The following FAM117B variants were observed in gnomAD, a reference collection of about 807,000 sequenced individuals.
FAM117B encodes family with sequence similarity 117 member B.
FAM117B carries 22 observed loss-of-function variants against 52.8 expected under a neutral mutation model. That is an observed-to-expected ratio of 0.42 (90% confidence interval 0.30 to 0.59). The LOEUF is 0.59. FAM117B is among the 20% of genes least tolerant of loss of function. The pLI is 0.22. For missense variants in FAM117B, 678 were observed against 802.6 expected, an observed-to-expected ratio of 0.84 and a Z score of 1.88; for synonymous variants, 309 against 324.1, an observed-to-expected ratio of 0.95 and a Z score of 0.50.
chr2:202,640,908 G>A (rs1689761162), intron 1 of FAM117B, among the ~76,000 whole-genome samples: 1 of 152,070 alleles, frequency 6.6e-6, no homozygotes, highest in African/African-American at 2.4e-5. Flanking sequence ...ACCCACACCC[G>A]GCTAAAGGGA....
intron 4 of FAM117B, among the ~76,000 whole-genome samples, chr2:202,749,934 T>G (rs1037305971): frequency 6.6e-6 from 1 of 152,132 alleles, no homozygotes; most frequent in South Asian, 2.1e-4. Flanking sequence ...ATAAAAAAAA[T>G]TAAAGGTGAG....
chr2:202,706,892 A>G (rs1690877339), intron 2 of FAM117B, among the ~76,000 whole-genome samples: 1 of 152,148 alleles, frequency 6.6e-6, no homozygotes, highest in South Asian at 2.1e-4. Context: ...GTTGCCTGTC[A>G]GTAGCTTTGC....
Position 202,765,857 on chromosome 2 carries a change from A to C in FAM117B, c.*93A>C. 4.6e-6 allele frequency: 6 copies of C among 1,311,064 alleles called. No homozygotes were observed. Among genetic ancestry groups the C allele is most frequent in the Non-Finnish European group, 6.3e-6 (6 of 955,380 alleles). The allele number at this position is 1,311,064 out of a possible 1,614,324, so 81.2% of individuals were successfully genotyped here. A position where few individuals can be genotyped will look rare whatever the true frequency, so the allele number is the denominator to read the frequency against. On this transcript the variant is annotated 3_prime_UTR_variant, in exon 8 of 8. Coordinates refer to ENST00000392238, the MANE Select transcript of FAM117B (RefSeq NM_173511.4). ...CATCGTGCGCTTCTGGTCGGCTGTG[A>C]TGTGCTCCAGCTTTCCAGTGACATG...
At chr2:202,689,918 G>C (rs1173927292) in intron 1 of FAM117B, among the ~76,000 whole-genome samples, 3 of 152,020 alleles carry the variant, frequency 2.0e-5, no homozygotes, top group Non-Finnish European at 4.4e-5. Flanking sequence ...GTTCGGCCTG[G>C]GTGACAGAGT....
chr2:202,695,874 A>T lies in FAM117B; in HGVS notation c.602-7A>T. 1 of 1,571,546 alleles carries T rather than the reference A, an allele frequency of 6.4e-7. No homozygotes were observed. The highest frequency in any genetic ancestry group is 1.9e-5 in the Admixed American group (1 of 52,386). ...TATTAAAACAAGCATTTTTGTCTTAAATCTAGGTGACAAAACACGACAGCC... is the reference window on the plus strand; with the variant it reads ...TATTAAAACAAGCATTTTTGTCTTATATCTAGGTGACAAAACACGACAGCC... On this transcript the variant is annotated splice_polypyrimidine_tract_variant and splice_region_variant and intron_variant, in intron 1 of 7. Coordinates refer to ENST00000392238, the MANE Select transcript of FAM117B (RefSeq NM_173511.4).
chr2:202,641,414 C>T (rs1384564935), intron 1 of FAM117B, among the ~76,000 whole-genome samples: 1 of 152,162 alleles, frequency 6.6e-6, no homozygotes, highest in Non-Finnish European at 1.5e-5. Context: ...AGAATATATA[C>T]ATTAGAAAGT....
At chr2:202,681,855 G>A (rs977587253) in intron 1 of FAM117B, among the ~76,000 whole-genome samples, 2 of 152,216 alleles carry the variant, frequency 1.3e-5, no homozygotes, top group Non-Finnish European at 2.9e-5. Flanking sequence ...ATATGGCCCA[G>A]TGTGAGAACT....
intron 1 of FAM117B, among the ~76,000 whole-genome samples, chr2:202,638,479 C>T (rs2105750240): frequency 6.6e-6 from 1 of 152,228 alleles, no homozygotes; most frequent in South Asian, 2.1e-4. Flanking sequence ...AGGCTACTCC[C>T]ATGTCCTCTC....
chr2:202,732,469 T>C (rs1348022349), intron 4 of FAM117B, among the ~76,000 whole-genome samples: 2 of 152,138 alleles, frequency 1.3e-5, no homozygotes, highest in African/African-American at 4.8e-5. Context: ...GGAATTTTAT[T>C]TGATCATAAA....
chr2:202,748,791 A>G (rs990594623), intron 4 of FAM117B, among the ~76,000 whole-genome samples: 2 of 152,140 alleles, frequency 1.3e-5, no homozygotes, highest in African/African-American at 4.8e-5. Flanking sequence ...CCCTGTTAGA[A>G]TGGCTGTTAT....
In FAM117B at chr2:202,726,304, C is replaced by A; in HGVS notation, c.901C>A (p.Arg301=). ...QRSKHSSRHH[R]DKERQSPFHG... is the part of the protein sequence containing the mutation. ...AAGTAAACACAGCAGTCGGCATCAT[C>A]GAGATAAAGAAAGACAGTCTCCATT... Residue 301 remains arginine (R), a synonymous_variant, in exon 4 of 8, where the codon CGA becomes AGA. Transcript: ENST00000392238. 6.2e-7 allele frequency: 1 copy of A among 1,613,828 alleles called. No homozygotes were observed. Among genetic ancestry groups the A allele is most frequent in the Non-Finnish European group, 8.5e-7 (1 of 1,179,928 alleles).
chr2:202,743,066 A>G (rs1399389344), intron 4 of FAM117B, among the ~76,000 whole-genome samples: 1 of 152,186 alleles, frequency 6.6e-6, no homozygotes, highest in Non-Finnish European at 1.5e-5. Context: ...GCACCTGAGC[A>G]TGCCACATGG....
chr2:202,685,299 A>G (rs1690522946), intron 1 of FAM117B, among the ~76,000 whole-genome samples: 1 of 152,122 alleles, frequency 6.6e-6, no homozygotes, highest in African/African-American at 2.4e-5. Context: ...ATCTCAATTT[A>G]TACAGAAAAA....
chr2:202,742,008 C>G (rs979406848), intron 4 of FAM117B, among the ~76,000 whole-genome samples: 8 of 152,156 alleles, frequency 5.3e-5, no homozygotes, highest in African/African-American at 1.9e-4. Flanking sequence ...ACACAATCTA[C>G]ATGGGGAAAA....
chr2:202,730,975 A>G (rs532286797), intron 4 of FAM117B, among the ~76,000 whole-genome samples: 36 of 152,328 alleles, frequency 2.4e-4, no homozygotes, highest in African/African-American at 8.4e-4. Context: ...AGAATAGGAT[A>G]ACCCACAAAT....
At chr2:202,716,722 C>G (rs548195646) in intron 2 of FAM117B, among the ~76,000 whole-genome samples, 4 of 151,798 alleles carry the variant, frequency 2.6e-5, no homozygotes, top group African/African-American at 7.2e-5. Flanking sequence ...TTTCTTTTGT[C>G]TCTTCTGAGT....
intron 2 of FAM117B, among the ~76,000 whole-genome samples, chr2:202,710,446 G>A (rs1006941798): frequency 6.6e-6 from 1 of 151,378 alleles, no homozygotes; most frequent in African/African-American, 2.4e-5. Flanking sequence ...ATATTTATGG[G>A]GTAGCTGAGA....
intron 1 of FAM117B, among the ~76,000 whole-genome samples, chr2:202,686,317 A>G (rs1204442052): frequency 6.6e-6 from 1 of 152,246 alleles, no homozygotes; most frequent in African/African-American, 2.4e-5. Flanking sequence ...GTTGGTGGGA[A>G]TGTACACTGG....
chr2:202,652,462 T>C (rs1689971911), intron 1 of FAM117B, among the ~76,000 whole-genome samples: 1 of 152,202 alleles, frequency 6.6e-6, no homozygotes, highest in South Asian at 2.1e-4. Flanking sequence ...AACACATCCT[T>C]GACCTTATGG....
Sources: gnomAD v4.1 joint callset for allele counts (sites outside exome capture counted in the v4.1 genomes callset) on GRCh38, gnomAD v4.1.1 for gene constraint, MANE v1.5 for transcripts, NCBI Gene and HGNC (gene_info 2026-07-23, HGNC 2026-07-21) for gene names.